Variants in TTPA observed in about 807,000 individuals in gnomAD.
TTPA encodes the protein alpha tocopherol transfer protein, also known as alpha-tocopherol transfer protein.
TTPA carries 23 observed loss-of-function variants against 25.9 expected under a neutral mutation model. The observed-to-expected ratio is 0.89, with a 90% confidence interval of 0.64 to 1.26. The LOEUF (loss-of-function observed/expected upper bound fraction) is 1.26. Ranked by LOEUF, TTPA falls within the 50% of genes most tolerant of loss-of-function variation. The probability of loss-of-function intolerance (pLI) is 0.00; values close to 1 mark genes in which losing one functional copy is unlikely to be tolerated. For synonymous variants in TTPA, 148 were observed against 137.3 expected, an observed-to-expected ratio of 1.08 and a Z score of -0.54; for missense variants, 337 against 353.1, an observed-to-expected ratio of 0.95 and a Z score of 0.37.
intron 1 of TTPA, among the ~76,000 whole-genome samples, chr8:63,074,836 T>C (rs987405494): frequency 2.0e-5 from 3 of 152,196 alleles, no homozygotes; most frequent in African/African-American, 7.2e-5. Flanking sequence ...GAAGGGATCA[T>C]TTAGGTTTAA....
At chr8:63,065,816 T>A (rs1805379876) in intron 3 of TTPA, 88 bp downstream of exon 3, 8 of 1,366,432 alleles carry the variant, frequency 5.9e-6, no homozygotes, top group Non-Finnish European at 8.2e-6. Context: ...CTAACAAATG[T>A]ACTTTTGCTT....
At chr8:63,072,477 G>A (rs1228910385) in intron 2 of TTPA, among the ~76,000 whole-genome samples, 1 of 152,118 alleles carries the variant, frequency 6.6e-6, no homozygotes, top group Admixed American at 6.5e-5. Context: ...TGGCCAGGTT[G>A]GTCTCGAACT....
intron 2 of TTPA, among the ~76,000 whole-genome samples, chr8:63,068,176 G>T (rs964015819): frequency 2.0e-5 from 3 of 152,182 alleles, no homozygotes; most frequent in Admixed American, 2.0e-4. Context: ...CCTACATGAT[G>T]ATCCACAACA....
downstream of TTPA, among the ~76,000 whole-genome samples, chr8:63,059,035 T>TTTG (rs1309296041): frequency 7.9e-6 from 1 of 126,440 alleles, no homozygotes; most frequent in Non-Finnish European, 1.6e-5. Flanking sequence ...TTTTTTTTTT[T>TTTG]TTTTTTTTTT....
chr8:63,065,434 G>A (rs1003790112), intron 3 of TTPA, among the ~76,000 whole-genome samples: 3 of 151,904 alleles, frequency 2.0e-5, no homozygotes, highest in East Asian at 1.9e-4. Flanking sequence ...ATTATTATAC[G>A]CAATCTTTAA....
intron 1 of TTPA, among the ~76,000 whole-genome samples, chr8:63,077,655 A>G (rs567737549): frequency 6.6e-6 from 1 of 152,362 alleles, no homozygotes; most frequent in East Asian, 1.9e-4. Flanking sequence ...AAAGTGGGCC[A>G]AAAGCTCGAA....
intron 1 of TTPA, among the ~76,000 whole-genome samples, chr8:63,082,933 T>G (rs1585696884): frequency 6.6e-6 from 1 of 152,172 alleles, no homozygotes; most frequent in Non-Finnish European, 1.5e-5. Flanking sequence ...AAAACCACAA[T>G]GAGATACTAT....
In TTPA at chr8:63,076,269, C is replaced by T. The variant is rs118058892; in HGVS notation, c.205-3181G>A. 5.9e-5 allele frequency among the ~76,000 whole-genome samples: 9 copies of T among 152,174 alleles called. No homozygotes were observed. The East Asian group carries it at 1.5e-3, about 26-fold the overall frequency. ...TAGCTATTAGGATTATATAATAAAA[C>T]CTTATTAATTCATCATAACTTCAAA... On this transcript the variant is annotated intron_variant, in intron 1 of 4. Coordinates refer to ENST00000260116, the MANE Select transcript of TTPA (RefSeq NM_000370.3).
chr8:63,058,628 T>C (rs929755997), downstream of TTPA, among the ~76,000 whole-genome samples: 2 of 152,214 alleles, frequency 1.3e-5, no homozygotes, highest in Admixed American at 1.3e-4. Flanking sequence ...AGTGAATTGT[T>C]TCATTTATAA....
intron 3 of TTPA, among the ~76,000 whole-genome samples, chr8:63,065,102 GT>G (rs2129743694): frequency 6.6e-6 from 1 of 152,172 alleles, no homozygotes; most frequent in South Asian, 2.1e-4. Context: ...CATTTTTTAA[GT>G]AACCATGTTT....
At chr8:63,083,730 CACTT>C (rs957253283) in intron 1 of TTPA, among the ~76,000 whole-genome samples, 14 of 151,454 alleles carry the variant, frequency 9.2e-5, no homozygotes, top group Non-Finnish European at 1.9e-4. Context: ...TTATTAATCA[CACTT>C]AAATAAATGC....
chr8:63,085,683 G>A (rs1398877723), intron 1 of TTPA, 135 bp downstream of exon 1: 2 of 1,036,764 alleles, frequency 1.9e-6, no homozygotes, highest in Non-Finnish European at 2.7e-6. Context: ...CACGCCGGGT[G>A]GTTAGGGGCG....
chr8:63,070,974 T>G (rs1425825580), intron 2 of TTPA, among the ~76,000 whole-genome samples: 1 of 122,758 alleles, frequency 8.1e-6, no homozygotes, highest in Non-Finnish European at 1.6e-5. Flanking sequence ...TTAAAAAAAC[T>G]GTTGTTTATC....
At chr8:63,077,068 C>T (rs1292156158) in intron 1 of TTPA, among the ~76,000 whole-genome samples, 1 of 151,434 alleles carries the variant, frequency 6.6e-6, no homozygotes, top group Non-Finnish European at 1.5e-5. Context: ...AAATTCTGCA[C>T]AGAAAAAAAT....
At chr8:63,079,400 G>C (rs1033581792) in intron 1 of TTPA, among the ~76,000 whole-genome samples, 3 of 152,050 alleles carry the variant, frequency 2.0e-5, no homozygotes, top group Middle Eastern at 3.2e-3. Flanking sequence ...ATTGAATAAA[G>C]AGTCAAGACC....
intron 3 of TTPA, 87 bp downstream of exon 3, chr8:63,065,817 A>T: frequency 7.3e-7 from 1 of 1,376,136 alleles, no homozygotes; most frequent in Non-Finnish European, 1.0e-6. Context: ...TAACAAATGT[A>T]CTTTTGCTTC....
intron 2 of TTPA, among the ~76,000 whole-genome samples, chr8:63,072,719 A>G (rs527257621): frequency 5.9e-5 from 9 of 152,336 alleles, no homozygotes; most frequent in Non-Finnish European, 1.2e-4. Context: ...CACAATTACC[A>G]AAGTGTTATT....
chr8:63,076,866 A>T (rs1419648154), intron 1 of TTPA, among the ~76,000 whole-genome samples: 4 of 152,156 alleles, frequency 2.6e-5, no homozygotes, highest in Non-Finnish European at 5.9e-5. Context: ...CCATCTAAAA[A>T]ATGAAAATAA....
intron 2 of TTPA, among the ~76,000 whole-genome samples, chr8:63,066,613 G>T (rs902785675): frequency 6.6e-6 from 1 of 152,208 alleles, no homozygotes; most frequent in Non-Finnish European, 1.5e-5. Context: ...GGAAAGAAGA[G>T]CCACGGAAGC....
Sources: allele counts gnomAD v4.1 joint callset (sites outside exome capture counted in the v4.1 genomes callset), GRCh38; gene constraint gnomAD v4.1.1; transcripts MANE v1.5; gene names NCBI Gene and HGNC (gene_info 2026-07-23, HGNC 2026-07-21).